The following USP54 variants were observed in gnomAD, a reference collection of about 807,000 sequenced individuals.
USP54 encodes ubiquitin specific peptidase 54.
A neutral mutation model predicts 170.5 loss-of-function variants in USP54; 87 were observed. That is an observed-to-expected ratio of 0.51 (90% CI 0.43 to 0.61). USP54 has a LOEUF of 0.61. Ranked by LOEUF, USP54 falls within the 20% of genes least tolerant of loss-of-function variation. The pLI, the probability that USP54 is intolerant of heterozygous loss-of-function variation, is 0.00. For missense variants in USP54, 1,786 were observed against 2,047.8 expected (o/e 0.87, Z 2.47); for synonymous variants, 655 against 742.8 (o/e 0.88, Z 1.92).
intron 1 of USP54, among the ~76,000 whole-genome samples, chr10:73,586,996 TAAA>T (rs2077564266): frequency 6.6e-6 from 1 of 152,318 alleles, no homozygotes; most frequent in African/African-American, 2.4e-5. Flanking sequence ...TAAAATTTGT[TAAA>T]AAGTAGTTGG....
rs1160544785 is a variant in USP54 at position 73,516,980 on chromosome 10, C to A, written c.3446G>T (p.Gly1149Val). The A allele has an allele frequency of 6.2e-7, 1 of 1,614,198 alleles. No homozygotes were observed. Among genetic ancestry groups the A allele is most frequent in the Non-Finnish European group, 8.5e-7 (1 of 1,180,038 alleles). ...MQGVSMRDST[G>V]FKDRSLSGSL... Reference sequence around the variant, plus strand: ...ACCTGACAAACTTCTATCCTTGAAACCTGTACTATCCCTCATGGAGACACC... The same window carrying A: ...ACCTGACAAACTTCTATCCTTGAAAACTGTACTATCCCTCATGGAGACACC... The change falls in exon 20 of 24, where the codon GGT (glycine) becomes GTT (valine). Residue 1149 changes from glycine (G) to valine (V), a missense_variant. By Grantham distance (109) the Gly-to-Val change is moderately radical. Transcript: ENST00000687698.
chr10:73,498,635 T>C lies in USP54; in HGVS notation c.5049A>G (p.Gln1683=), dbSNP rs749621251. 51 of 1,532,324 alleles carry C rather than the reference T, an allele frequency of 3.3e-5. 1 individual carries two copies. The South Asian group carries it at 4.9e-4, about 15-fold the overall frequency. The allele number at this position is 1,532,324 out of a possible 1,614,324, so 94.9% of individuals were successfully genotyped here. A position where few individuals can be genotyped will look rare whatever the true frequency, so the allele number is the denominator to read the frequency against. Residue 1683 remains glutamine, a synonymous_variant, in exon 24 of 24, where the codon CAA becomes CAG. Transcript: ENST00000687698. ...GAAAGGAAAGGAATAACCTTTACCA[T>C]TGACTGTGCTGCAGGACTCTAGCCC... The part of the protein sequence containing the change: ...QIRARVLQHS[Q]W
At chr10:73,624,088 T>A (rs2132375589) in intron 1 of USP54, among the ~76,000 whole-genome samples, 1 of 141,774 alleles carries the variant, frequency 7.1e-6, no homozygotes, top group South Asian at 2.3e-4. Context: ...GGTTTTACTC[T>A]AACATATATC....
chr10:73,579,465 C>A (rs972429372), intron 1 of USP54, among the ~76,000 whole-genome samples: 4 of 151,926 alleles, frequency 2.6e-5, no homozygotes, highest in African/African-American at 9.7e-5. Context: ...GAAAAACTAT[C>A]CAATTTTGGC....
chr10:73,558,102 G>A (rs368148967), intron 4 of USP54, among the ~76,000 whole-genome samples: 6 of 151,810 alleles, frequency 4.0e-5, no homozygotes, highest in Non-Finnish European at 8.8e-5. Context: ...GGATGGTCTC[G>A]ATCTCTTGAC....
At chr10:73,525,164 T>C (rs1488436288) in intron 16 of USP54, among the ~76,000 whole-genome samples, 4 of 152,194 alleles carry the variant, frequency 2.6e-5, no homozygotes, top group African/African-American at 9.7e-5. Context: ...TCTATGTACT[T>C]GTGTAAGCAT....
chr10:73,543,950 T>C (rs1017260966), intron 5 of USP54, among the ~76,000 whole-genome samples: 3 of 151,974 alleles, frequency 2.0e-5, no homozygotes, highest in African/African-American at 7.2e-5. Context: ...CATAACCTTT[T>C]TTTTTTTTTT....
intron 20 of USP54, among the ~76,000 whole-genome samples, chr10:73,509,989 AAAAAT>A (rs1196693203): frequency 1.3e-5 from 2 of 152,142 alleles, no homozygotes; most frequent in Non-Finnish European, 2.9e-5. Flanking sequence ...CCTTGTCTCA[AAAAAT>A]AAAATAAAAT....
chr10:73,600,849 G>A (rs2079114762), intron 1 of USP54, among the ~76,000 whole-genome samples: 1 of 152,116 alleles, frequency 6.6e-6, no homozygotes, highest in African/African-American at 2.4e-5. Context: ...GGGGGGCGGA[G>A]GTTGCAGTGA....
intron 4 of USP54, among the ~76,000 whole-genome samples, chr10:73,553,956 T>A (rs568889218): frequency 1.3e-5 from 2 of 152,326 alleles, no homozygotes; most frequent in South Asian, 4.1e-4. Flanking sequence ...CATGAGCACA[T>A]AATTATTTGG....
At chr10:73,598,554 TCACAA>T (rs1231091745) in intron 1 of USP54, among the ~76,000 whole-genome samples, 2 of 151,864 alleles carry the variant, frequency 1.3e-5, no homozygotes, top group African/African-American at 4.8e-5. Context: ...AGAAGGCCGA[TCACAA>T]CAAGGTCAGG....
At chr10:73,507,052 T>C in intron 20 of USP54, 1 of 152,058 alleles carries the variant, frequency 6.6e-6, no homozygotes, top group Admixed American at 6.6e-5. Flanking sequence ...TTAAAAAGAT[T>C]GAACTGAGTT....
chr10:73,503,530 T>C (rs1007709997), intron 22 of USP54, among the ~76,000 whole-genome samples: 4 of 152,280 alleles, frequency 2.6e-5, no homozygotes, highest in African/African-American at 7.2e-5. Context: ...CAATGAATGA[T>C]ACAGAAGTCA....
intron 1 of USP54, among the ~76,000 whole-genome samples, chr10:73,613,740 G>T (rs968354489): frequency 6.6e-6 from 1 of 151,854 alleles, no homozygotes; most frequent in East Asian, 2.0e-4. Context: ...TTAGCTGGGC[G>T]TGGTGGCGCG....
At chr10:73,561,279 C>T (rs557347097) in intron 4 of USP54, among the ~76,000 whole-genome samples, 3 of 152,126 alleles carry the variant, frequency 2.0e-5, no homozygotes, top group Admixed American at 6.6e-5. Flanking sequence ...TTCAGCCATG[C>T]TAAATACTAT....
intron 20 of USP54, among the ~76,000 whole-genome samples, chr10:73,511,503 T>C (rs1042949180): frequency 3.7e-4 from 56 of 151,132 alleles, no homozygotes; most frequent in Admixed American, 1.4e-3. Context: ...CTACAAAATA[T>C]ACAAAAATTA....
chr10:73,505,521 A>T, intron 20 of USP54, 95 bp from the exon 21 acceptor site: 1 of 948,844 alleles, frequency 1.1e-6, no homozygotes, highest in Non-Finnish European at 1.6e-6. Context: ...CTGTTGTTTC[A>T]TTTAATAATA....
At chr10:73,592,642 A>G (rs535001196), upstream of USP54, among the ~76,000 whole-genome samples, 68 of 152,368 alleles carry the variant, frequency 4.5e-4, no homozygotes, top group Admixed American at 3.1e-3. Flanking sequence ...ACATACAAAC[A>G]TCAAGACCAA....
At chr10:73,533,365 T>G (rs969318514) in intron 12 of USP54, among the ~76,000 whole-genome samples, 4 of 151,968 alleles carry the variant, frequency 2.6e-5, no homozygotes, top group Non-Finnish European at 2.9e-5. Flanking sequence ...TGAGCAAACA[T>G]AAGATATATT....
Sources: gnomAD v4.1 joint callset for allele counts (sites outside exome capture counted in the v4.1 genomes callset) on GRCh38, gnomAD v4.1.1 for gene constraint, MANE v1.5 for transcripts, NCBI Gene and HGNC (gene_info 2026-07-23, HGNC 2026-07-21) for gene names.